LRRC69: variants seen among roughly 807,000 people sequenced by gnomAD.
The protein encoded by LRRC69 is leucine rich repeat containing 69.
Under a neutral mutation model 37.8 loss-of-function variants are expected in LRRC69, and 42 were observed. The observed-to-expected ratio is 1.11, with a 90% CI of 0.87 to 1.44. The LOEUF (loss-of-function observed/expected upper bound fraction) is 1.44, where lower values mean the gene tolerates loss of function less well. Among genes scored for constraint, LRRC69 ranks in the 40% most tolerant of loss-of-function variants. The pLI is 0.00. For synonymous variants in LRRC69, 141 were observed against 143.1 expected (o/e 0.99, Z 0.11); for missense variants, 357 against 401.9 (o/e 0.89, Z 0.96).
Position 91,174,490 on chromosome 8 carries a change from A to G in LRRC69, c.652-15032A>G, listed in dbSNP as rs182942312. Among the ~76,000 whole-genome samples the G allele has an allele frequency of 2.9e-4, 44 of 152,344 alleles. No individual in the cohort carries two copies. The East Asian group carries it at 7.9e-3, about 27-fold the overall frequency. On this transcript the variant is annotated intron_variant, in intron 5 of 7. Transcript: ENST00000448384. ...AAGCTTCAACTGACATTCTTTCTGCAGTCTCCATCATGAATCTGACCACTC... is the reference window on the plus strand; with the variant it reads ...AAGCTTCAACTGACATTCTTTCTGCGGTCTCCATCATGAATCTGACCACTC...
At chr8:91,125,745 T>C (rs1463027673) in intron 2 of LRRC69, among the ~76,000 whole-genome samples, 2 of 151,748 alleles carry the variant, frequency 1.3e-5, no homozygotes, top group Non-Finnish European at 2.9e-5. Context: ...TCATGTTGCC[T>C]TTAAATTTGA....
intron 5 of LRRC69, among the ~76,000 whole-genome samples, chr8:91,184,857 AGT>A (rs1809379530): frequency 6.6e-6 from 1 of 152,204 alleles, no homozygotes; most frequent in Non-Finnish European, 1.5e-5. Flanking sequence ...GTGGAGAAAG[AGT>A]GAGAGAGCAG....
intron 5 of LRRC69, among the ~76,000 whole-genome samples, chr8:91,156,107 T>C (rs183237630): frequency 7.4e-4 from 112 of 150,958 alleles, no homozygotes; most frequent in Admixed American, 2.8e-3. Context: ...TATTCATAGA[T>C]TTTTGAGGAA....
chr8:91,106,292 C>A (rs1182133333), intron 1 of LRRC69, among the ~76,000 whole-genome samples: 2 of 152,022 alleles, frequency 1.3e-5, no homozygotes, highest in Admixed American at 6.6e-5. Flanking sequence ...CAGTGTTTAT[C>A]TTTTGAAGTA....
chr8:91,184,660 A>C (rs1022494593), intron 5 of LRRC69, among the ~76,000 whole-genome samples: 5 of 152,148 alleles, frequency 3.3e-5, no homozygotes, highest in Non-Finnish European at 7.3e-5. Flanking sequence ...TGGTTATTGA[A>C]TCTTTGGGTC....
chr8:91,122,203 T>A (rs1813636540), intron 1 of LRRC69, among the ~76,000 whole-genome samples: 2 of 152,078 alleles, frequency 1.3e-5, no homozygotes, highest in Admixed American at 6.6e-5. Flanking sequence ...AAATACATGT[T>A]ACCATCCCTT....
chr8:91,198,466 G>C (rs765293359), intron 6 of LRRC69, among the ~76,000 whole-genome samples: 1 of 152,096 alleles, frequency 6.6e-6, no homozygotes, highest in Non-Finnish European at 1.5e-5. Context: ...TAACACCTGA[G>C]TATACAATAG....
intron 6 of LRRC69, among the ~76,000 whole-genome samples, chr8:91,198,322 A>G (rs915724260): frequency 2.0e-5 from 3 of 152,188 alleles, no homozygotes; most frequent in Non-Finnish European, 2.9e-5. Context: ...AGACCAGGGA[A>G]GTTAAGGGTT....
intron 7 of LRRC69, among the ~76,000 whole-genome samples, chr8:91,218,495 C>A (rs894889907): frequency 6.6e-6 from 1 of 152,138 alleles, no homozygotes; most frequent in African/African-American, 2.4e-5. Context: ...GCATGCTGGG[C>A]AGGTAAAACC....
intron 5 of LRRC69, among the ~76,000 whole-genome samples, chr8:91,137,442 A>G (rs972113801): frequency 2.0e-5 from 3 of 151,942 alleles, no homozygotes; most frequent in Non-Finnish European, 2.9e-5. Flanking sequence ...TTTTTCCTCT[A>G]TACCTGCAGT....
At chr8:91,211,544 T>C (rs1299583958) in intron 7 of LRRC69, among the ~76,000 whole-genome samples, 1 of 149,984 alleles carries the variant, frequency 6.7e-6, no homozygotes. Context: ...TGGTAAGGAA[T>C]TGCTTTTATA....
Position 91,206,119 on chromosome 8 carries a change from T to C in LRRC69, c.933+5327T>C, listed in dbSNP as rs115302696. ...AGAGAGAGCTTCGGACAATACCTGATAAAATTTTATTTCTACAGAATGATA... is the reference window on the plus strand; with the variant it reads ...AGAGAGAGCTTCGGACAATACCTGACAAAATTTTATTTCTACAGAATGATA... On this transcript the variant is annotated intron_variant, in intron 7 of 7. Transcript: ENST00000448384. Among the ~76,000 whole-genome samples, 709 of 152,334 alleles carry C rather than the reference T, an allele frequency of 4.7e-3. 5 individuals carry two copies. The highest frequency in any genetic ancestry group is 0.016 in the African/African-American group (679 of 41,572).
At chr8:91,127,657 T>C (rs1440688465) in intron 3 of LRRC69, among the ~76,000 whole-genome samples, 1 of 143,494 alleles carries the variant, frequency 7.0e-6, no homozygotes, top group African/African-American at 2.6e-5. Flanking sequence ...CCTGCATATC[T>C]GCACAGGCAG....
chr8:91,200,971 A>G (rs1328236034), intron 7 of LRRC69, among the ~76,000 whole-genome samples, 179 bp downstream of exon 7: 1 of 152,182 alleles, frequency 6.6e-6, no homozygotes, highest in African/African-American at 2.4e-5. Context: ...CACCCATTCT[A>G]TTTACATTCA....
At chr8:91,197,428 G>T (rs1163720846) in intron 6 of LRRC69, among the ~76,000 whole-genome samples, 1 of 152,090 alleles carries the variant, frequency 6.6e-6, no homozygotes, top group Non-Finnish European at 1.5e-5. Flanking sequence ...AATGGCGGGC[G>T]CCCCTCCCCC....
intron 1 of LRRC69, among the ~76,000 whole-genome samples, chr8:91,107,456 A>G (rs1813337063): frequency 6.6e-6 from 1 of 151,908 alleles, no homozygotes; most frequent in South Asian, 2.1e-4. Flanking sequence ...TCTTTTAACA[A>G]ATATTTACCA....
chr8:91,113,862 GAAAC>G (rs1047001712), intron 1 of LRRC69, among the ~76,000 whole-genome samples: 4 of 142,442 alleles, frequency 2.8e-5, no homozygotes, highest in East Asian at 2.2e-4. Flanking sequence ...TCAATAGCAA[GAAAC>G]AAACAAACAA....
At chr8:91,197,486 A>G (rs1001000709) in intron 6 of LRRC69, among the ~76,000 whole-genome samples, 1 of 151,504 alleles carries the variant, frequency 6.6e-6, no homozygotes, top group Non-Finnish European at 1.5e-5. Flanking sequence ...TGTGCTAGCA[A>G]TCAGCGAGAC....
intron 5 of LRRC69, among the ~76,000 whole-genome samples, chr8:91,161,120 C>A (rs1808936174): frequency 6.6e-6 from 1 of 151,348 alleles, no homozygotes; most frequent in Admixed American, 6.6e-5. Context: ...ATATATTGAA[C>A]CATCCTTGAA....
Sources: gnomAD v4.1 joint callset for allele counts (sites outside exome capture counted in the v4.1 genomes callset) on GRCh38, gnomAD v4.1.1 for gene constraint, MANE v1.5 for transcripts, NCBI Gene and HGNC (gene_info 2026-07-23, HGNC 2026-07-21) for gene names.